The following MTCH2 variants were observed in gnomAD, a reference collection of about 807,000 sequenced individuals.
The protein encoded by MTCH2 is mitochondrial carrier homolog 2.
In MTCH2, 25 loss-of-function variants were observed where a neutral mutation model predicts 50.6. The ratio of observed to expected loss-of-function variants is 0.49; its 90% CI spans 0.36 to 0.69. The LOEUF is 0.69. Among genes scored for constraint, MTCH2 ranks in the 30% least tolerant of loss-of-function variants. MTCH2 has a pLI of 0.00. For missense variants in MTCH2, 273 were observed against 384.4 expected (o/e 0.71, Z 2.42); for synonymous variants, 106 against 132.0 (o/e 0.80, Z 1.35).
downstream of MTCH2, among the ~76,000 whole-genome samples, chr11:47,613,045 A>T (rs1426715422): frequency 1.3e-5 from 2 of 150,742 alleles, no homozygotes; most frequent in East Asian, 3.9e-4. Context: ...GGGACTACAG[A>T]TGTGTTCCAC....
intron 4 of MTCH2, among the ~76,000 whole-genome samples, chr11:47,635,244 T>TACAGAA (rs2097307483): frequency 6.6e-6 from 1 of 152,132 alleles, no homozygotes; most frequent in Non-Finnish European, 1.5e-5. Context: ...CAGGCCCCGC[T>TACAGAA]AATCTTTGAT....
At chr11:47,621,911 C>T (rs1371183517) in intron 12 of MTCH2, among the ~76,000 whole-genome samples, 1 of 152,020 alleles carries the variant, frequency 6.6e-6, no homozygotes, top group African/African-American at 2.4e-5. Flanking sequence ...ACTCTGTCAC[C>T]CAGGCTGAAG....
intron 3 of MTCH2, among the ~76,000 whole-genome samples, chr11:47,637,271 T>C (rs891742857): frequency 1.3e-5 from 2 of 152,182 alleles, no homozygotes; most frequent in East Asian, 1.9e-4. Context: ...ATTACAGGCA[T>C]GAGCCACTGC....
chr11:47,616,071 G>T (rs2097288225), downstream of MTCH2, among the ~76,000 whole-genome samples: 2 of 152,132 alleles, frequency 1.3e-5, no homozygotes, highest in South Asian at 4.1e-4. Context: ...CGATTCTCAT[G>T]CCTCAGCCTC....
intron 10 of MTCH2, among the ~76,000 whole-genome samples, chr11:47,626,490 G>A (rs4752856): frequency 0.28 from 42,468 of 151,730 alleles, 6,977 homozygotes; most frequent in Admixed American, 0.37. Flanking sequence ...ATATTATTTC[G>A]GAGGAAAGGC....
chr11:47,633,816 C>CATG (rs1375652843), intron 5 of MTCH2, among the ~76,000 whole-genome samples: 1 of 151,542 alleles, frequency 6.6e-6, no homozygotes, highest in Admixed American at 6.6e-5. Context: ...GGATTACAGG[C>CATG]ATGAGCCACT....
chr11:47,616,519 T>C (rs1270743680), downstream of MTCH2, among the ~76,000 whole-genome samples: 1 of 151,650 alleles, frequency 6.6e-6, no homozygotes, highest in Admixed American at 6.6e-5. Context: ...TTTGTATTTT[T>C]AGTAGATATA....
At chr11:47,641,596 T>C (rs553244088) in intron 1 of MTCH2, among the ~76,000 whole-genome samples, 5 of 152,340 alleles carry the variant, frequency 3.3e-5, no homozygotes, top group African/African-American at 1.2e-4. Flanking sequence ...ACACTAAGTC[T>C]ATCACTTACT....
At chr11:47,639,127 G>T in intron 1 of MTCH2, 76 bp from the exon 2 acceptor site, 1 of 1,300,728 alleles carries the variant, frequency 7.7e-7, no homozygotes, top group South Asian at 1.3e-5. Flanking sequence ...CTTGAATAAA[G>T]AACACAATTT....
At chr11:47,638,655 G>C in intron 3 of MTCH2, 44 bp downstream of exon 3, 1 of 1,260,996 alleles carries the variant, frequency 7.9e-7, no homozygotes, top group Non-Finnish European at 1.1e-6. Context: ...ATGCATAACA[G>C]GTAAGCAACA....
At chr11:47,622,112 C>G (rs1348206347) in intron 12 of MTCH2, among the ~76,000 whole-genome samples, 1 of 152,090 alleles carries the variant, frequency 6.6e-6, no homozygotes, top group African/African-American at 2.4e-5. Context: ...AATTTGCCCA[C>G]CTAGACCTCT....
At chr11:47,635,701 A>G in intron 3 of MTCH2, 130 bp from the exon 4 acceptor site, 1 of 746,540 alleles carries the variant, frequency 1.3e-6, no homozygotes, top group Non-Finnish European at 2.1e-6. Context: ...TTTTTTTTTT[A>G]AGCTGCAAAT....
chr11:47,621,237 T>A (rs2097292889), intron 12 of MTCH2, among the ~76,000 whole-genome samples: 1 of 152,134 alleles, frequency 6.6e-6, no homozygotes, highest in Non-Finnish European at 1.5e-5. Context: ...TTAGGCCTTT[T>A]CATTCAGATT....
At chr11:47,631,497 CA>C (rs373907515) in intron 6 of MTCH2, among the ~76,000 whole-genome samples, 156 bp downstream of exon 6, 1 of 152,220 alleles carries the variant, frequency 6.6e-6, no homozygotes, top group East Asian at 1.9e-4. Context: ...CACCTAAAGA[CA>C]TTTTGCTATC....
At chr11:47,633,170 C>T (rs192037276) in intron 5 of MTCH2, among the ~76,000 whole-genome samples, 3 of 134,858 alleles carry the variant, frequency 2.2e-5, no homozygotes, top group Non-Finnish European at 4.7e-5. Flanking sequence ...AGTGCAGTGG[C>T]GCAGTCTTGG....
chr11:47,630,195 T>G (rs1409253191), intron 8 of MTCH2, among the ~76,000 whole-genome samples: 1 of 151,794 alleles, frequency 6.6e-6, no homozygotes, highest in East Asian at 1.9e-4. Flanking sequence ...CACCTAGAGG[T>G]GGGGTTTTAC....
downstream of MTCH2, among the ~76,000 whole-genome samples, chr11:47,614,045 ACTG>A (rs1306689730): frequency 1.3e-5 from 2 of 151,992 alleles, no homozygotes; most frequent in African/African-American, 4.8e-5. Flanking sequence ...GAGATCAGCC[ACTG>A]CAAGACAGAG....
intron 11 of MTCH2, among the ~76,000 whole-genome samples, chr11:47,624,915 C>T (rs758951678): frequency 9.2e-5 from 14 of 152,042 alleles, no homozygotes; most frequent in Non-Finnish European, 1.8e-4. Flanking sequence ...TAGCAAGACC[C>T]CATCTCTACT....
the MTCH2 span, among the ~76,000 whole-genome samples, chr11:47,606,445 G>A: frequency 4.6e-5 from 7 of 152,026 alleles, no homozygotes; most frequent in South Asian, 2.1e-4. Flanking sequence ...CTTTCCTTCC[G>A]TCTCTTGTAC....
Sources: allele counts gnomAD v4.1 joint callset (sites outside exome capture counted in the v4.1 genomes callset), GRCh38; gene constraint gnomAD v4.1.1; transcripts MANE v1.5; gene names NCBI Gene and HGNC (gene_info 2026-07-23, HGNC 2026-07-21).